ERICH1: variants seen among roughly 807,000 people sequenced by gnomAD.
ERICH1 encodes glutamate rich 1, also known as glutamate-rich protein 1.
ERICH1 carries 56 observed loss-of-function variants against 39.6 expected under a neutral mutation model. The ratio of observed to expected loss-of-function variants is 1.41; its 90% CI spans 1.14 to 1.77. The LOEUF is 1.77. ERICH1 is among the 40% of genes most tolerant of loss of function. The probability of loss-of-function intolerance (pLI) is 0.00; values close to 1 mark genes in which losing one functional copy is unlikely to be tolerated. For synonymous variants in ERICH1, 313 were observed against 223.6 expected, an observed-to-expected ratio of 1.40 and a Z score of -3.57; for missense variants, 826 against 575.4, an observed-to-expected ratio of 1.44 and a Z score of -4.45.
chr8:727,795 G>A (rs995421318), intron 1 of ERICH1, among the ~76,000 whole-genome samples: 7 of 152,148 alleles, frequency 4.6e-5, no homozygotes, highest in South Asian at 2.1e-4. Flanking sequence ...TGACGCGAGC[G>A]GCTGGCACCA....
rs1809135993 is a variant in ERICH1 at position 692,518 on chromosome 8, A to C, written c.264T>G (p.Cys88Trp). Residue 88 changes from cysteine to tryptophan, a missense_variant, in exon 3 of 6, where the codon TGT becomes TGG. Transcript: ENST00000262109. ...YVPCWPEPSSCGSPENASSGD... is the reference protein window; with the variant it reads ...YVPCWPEPSSWGSPENASSGD... ...CGCTGGAGGCGTTCTCGGGGCTCCCACAGCTGCTGGGCTCCGGCCAACAGG... is the reference window on the plus strand; with the variant it reads ...CGCTGGAGGCGTTCTCGGGGCTCCCCCAGCTGCTGGGCTCCGGCCAACAGG... 1 of 1,613,954 alleles carries C rather than the reference A, an allele frequency of 6.2e-7. No homozygotes were observed. Among genetic ancestry groups the C allele is most frequent in the Non-Finnish European group, 8.5e-7 (1 of 1,179,982 alleles).
intron 3 of ERICH1, among the ~76,000 whole-genome samples, chr8:684,749 G>A (rs989557619): frequency 1.3e-5 from 2 of 152,128 alleles, no homozygotes; most frequent in East Asian, 3.8e-4. Context: ...TTTAAAGCTG[G>A]GTGTCCGGGG....
At position 708,681 on chromosome 8, in the gene ERICH1, G is replaced by GTTTTTTTTTTGTTT. The variant is rs1563319316; in HGVS notation, c.169+7179_169+7180insAAACAAAAAAAAAA. Among the ~76,000 whole-genome samples the GTTTTTTTTTTGTTT allele has an allele frequency of 1.1e-3, 72 of 65,760 alleles. 2 individuals are homozygous for GTTTTTTTTTTGTTT. Among genetic ancestry groups the GTTTTTTTTTTGTTT allele is most frequent in the South Asian group, 3.1e-3 (5 of 1,612 alleles). 43.1% of individuals were successfully genotyped at this position (65,760 alleles called of 152,430 possible). On this transcript the variant is annotated intron_variant, in intron 2 of 5. Coordinates refer to ENST00000262109, the MANE Select transcript of ERICH1 (RefSeq NM_207332.3). The stretch of plus-strand genomic sequence containing the variant: ...GGGCTGAGTGGTTACGGGATAATGA[G>GTTTTTTTTTTGTTT]TTTTTTTTTTTTTTTTTTTTTTTTT...
chr8:657,659 G>C (rs1800826705), intron 3 of ERICH1, among the ~76,000 whole-genome samples: 1 of 151,578 alleles, frequency 6.6e-6, no homozygotes, highest in South Asian at 2.1e-4. Context: ...TGATTATGGA[G>C]TTCATCTGCG....
At chr8:710,021 T>A (rs910920083) in intron 2 of ERICH1, among the ~76,000 whole-genome samples, 2 of 152,122 alleles carry the variant, frequency 1.3e-5, no homozygotes, top group African/African-American at 4.8e-5. Context: ...AAACAGGAAA[T>A]GTTAGGGATG....
intron 3 of ERICH1, chr8:616,421 C>T (rs1796900257): frequency 2.4e-6 from 1 of 417,314 alleles, no homozygotes; most frequent in Admixed American, 2.5e-5. Flanking sequence ...GCTGACCGAA[C>T]CCCGCACACC....
chr8:668,974 A>T, intron 4 of ERICH1, 182 bp from the exon 5 acceptor site: 1 of 620,296 alleles, frequency 1.6e-6, no homozygotes, highest in East Asian at 2.8e-5. Context: ...ATACCACTGC[A>T]TGAACGACTG....
At chr8:703,146 AG>A (rs1312277066) in intron 2 of ERICH1, among the ~76,000 whole-genome samples, 1 of 152,212 alleles carries the variant, frequency 6.6e-6, no homozygotes, top group African/African-American at 2.4e-5. Flanking sequence ...GCATTCGGGG[AG>A]GGAACTGTGG....
chr8:712,583 C>A (rs1291054431), intron 2 of ERICH1, among the ~76,000 whole-genome samples: 2 of 152,162 alleles, frequency 1.3e-5, no homozygotes, highest in Non-Finnish European at 2.9e-5. Context: ...GTGTGCACCA[C>A]CATGACTGGC....
chr8:627,461 C>G (rs779064298), intron 3 of ERICH1, among the ~76,000 whole-genome samples: 1 of 152,208 alleles, frequency 6.6e-6, no homozygotes, highest in African/African-American at 2.4e-5. Context: ...TATGTTATAT[C>G]GTTAACTCCC....
At chr8:696,169 A>G (rs111161368) in intron 2 of ERICH1, among the ~76,000 whole-genome samples, 16 of 2,158 alleles carry the variant, frequency 7.4e-3, no homozygotes, top group Admixed American at 0.021. Flanking sequence ...ATCAGCCTGC[A>G]CTCGCTCCTC....
At chr8:722,058 G>A (rs779370127) in intron 1 of ERICH1, among the ~76,000 whole-genome samples, 94 of 152,148 alleles carry the variant, frequency 6.2e-4, no homozygotes, top group Non-Finnish European at 1.3e-3. Context: ...CAGTCACGAC[G>A]ACTCCGTGTC....
At chr8:723,339 AACACTC>A (rs1268584281) in intron 1 of ERICH1, among the ~76,000 whole-genome samples, 3 of 152,248 alleles carry the variant, frequency 2.0e-5, no homozygotes, top group Non-Finnish European at 4.4e-5. Context: ...AGAACAGACT[AACACTC>A]ACAGAGAACA....
chr8:695,723 T>C (rs559171443), intron 2 of ERICH1, among the ~76,000 whole-genome samples: 1 of 94,580 alleles, frequency 1.1e-5, no homozygotes, highest in Non-Finnish European at 2.1e-5. Flanking sequence ...CTCCTCTACT[T>C]CCTCCCCATC....
At position 673,648 on chromosome 8, in the gene ERICH1, G is replaced by C. The variant is rs373778382; in HGVS notation, c.704C>G (p.Ala235Gly). 1.2e-6 allele frequency: 2 copies of C among 1,612,628 alleles called. No homozygotes were observed. Among genetic ancestry groups the C allele is most frequent in the South Asian group, 2.2e-5 (2 of 90,970 alleles). The change falls in exon 4 of 6, where the codon GCG becomes GGG. Residue 235 changes from alanine to glycine, a missense_variant. Transcript: ENST00000262109. ...DVKDTREEDG[A>G]DASEEDLTRA... The stretch of plus-strand genomic sequence containing the variant: ...TGTCAGGTCTTCCTCGCTAGCGTCC[G>C]CACCATCTTCCTCCCTGGTATCTTT...
chr8:650,561 C>T lies in ERICH1; in HGVS notation c.976+18037G>A, dbSNP rs1448260233. ...CTGCAGGTACCCCCGAGGCCGGCCC[C>T]AGACACTGAAAGGGAAGCAGCCAGC... On this transcript the variant is annotated intron_variant, in intron 3 of 3. Coordinates refer to the ERICH1 transcript ENST00000522706. Among the ~76,000 whole-genome samples the T allele has an allele frequency of 2.6e-5, 4 of 152,212 alleles. No homozygotes were observed. In the East Asian group the frequency reaches 7.7e-4, roughly 29 times the overall value.
At chr8:688,978 AG>A (rs1808302793) in intron 3 of ERICH1, among the ~76,000 whole-genome samples, 1 of 152,256 alleles carries the variant, frequency 6.6e-6, no homozygotes, top group Non-Finnish European at 1.5e-5. Flanking sequence ...TACAAAAACA[AG>A]GAAAAAAGGC....
intron 2 of ERICH1, among the ~76,000 whole-genome samples, chr8:713,430 G>A (rs1815216502): frequency 6.6e-6 from 1 of 152,174 alleles, no homozygotes; most frequent in South Asian, 2.1e-4. Flanking sequence ...TAAGCCATAT[G>A]GGAAAAATGT....
chr8:685,658 G>C (rs988586053), intron 3 of ERICH1, among the ~76,000 whole-genome samples: 1 of 152,176 alleles, frequency 6.6e-6, no homozygotes, highest in African/African-American at 2.4e-5. Flanking sequence ...CACAATTTAT[G>C]TTCTCTGTCA....
Sources: allele counts gnomAD v4.1 joint callset (sites outside exome capture counted in the v4.1 genomes callset), GRCh38; gene constraint gnomAD v4.1.1; transcripts MANE v1.5; gene names NCBI Gene and HGNC (gene_info 2026-07-23, HGNC 2026-07-21).